The following MACROD2 variants were observed in gnomAD, a reference collection of about 807,000 sequenced individuals.
The protein encoded by MACROD2 is mono-ADP ribosylhydrolase 2.
Under a neutral mutation model 70.4 loss-of-function variants are expected in MACROD2, and 36 were observed. That is an observed-to-expected ratio of 0.51 (90% CI 0.39 to 0.68). The LOEUF is 0.68. Among genes scored for constraint, MACROD2 ranks in the 30% least tolerant of loss-of-function variants. The pLI, the probability that MACROD2 is intolerant of heterozygous loss-of-function variation, is 0.00. For missense variants in MACROD2, 496 were observed against 538.4 expected (o/e 0.92, Z 0.78); for synonymous variants, 172 against 178.8 (o/e 0.96, Z 0.30).
intron 9 of MACROD2, among the ~76,000 whole-genome samples, chr20:15,882,718 C>T (rs950864902): frequency 1.3e-5 from 2 of 152,000 alleles, no homozygotes; most frequent in African/African-American, 4.8e-5. Flanking sequence ...TAAACCGAAC[C>T]AGTCTGAGTC....
intron 8 of MACROD2, among the ~76,000 whole-genome samples, chr20:15,579,893 C>T (rs1294994852): frequency 1.3e-5 from 2 of 152,154 alleles, no homozygotes; most frequent in African/African-American, 2.4e-5. Flanking sequence ...TATTAGCTTG[C>T]AAATCCTACA....
intron 4 of MACROD2, among the ~76,000 whole-genome samples, chr20:14,497,000 G>A (rs1022759221): frequency 3.3e-5 from 5 of 151,706 alleles, no homozygotes; most frequent in African/African-American, 4.9e-5. Flanking sequence ...AGAAGACAGC[G>A]TTCTTGACTG....
In MACROD2 at chr20:14,771,512, T is replaced by C. The variant is rs977250582; in HGVS notation, c.418+86553T>C. ...GAGGTTTAAAATTTTAATTTGTATT[T>C]TTTTCTCTTTTTGTTAATATGTGTG... is the stretch of plus-strand genomic sequence containing the variant. On this transcript the variant is annotated intron_variant, in intron 5 of 17. Coordinates refer to ENST00000684519, the MANE Select transcript of MACROD2 (RefSeq NM_001351661.2). Among the ~76,000 whole-genome samples the C allele has an allele frequency of 3.3e-5, 5 of 152,050 alleles. No individual in the cohort carries two copies. In the South Asian group the frequency reaches 6.2e-4, roughly 19 times the overall value.
At chr20:14,040,818 C>T (rs2053380151) in intron 2 of MACROD2, among the ~76,000 whole-genome samples, 1 of 152,098 alleles carries the variant, frequency 6.6e-6, no homozygotes, top group Non-Finnish European at 1.5e-5. Context: ...GCATATATGG[C>T]CTGTTATTAA....
At chr20:15,246,871 A>T (rs2077110659) in intron 6 of MACROD2, among the ~76,000 whole-genome samples, 1 of 152,240 alleles carries the variant, frequency 6.6e-6, no homozygotes, top group Non-Finnish European at 1.5e-5. Context: ...ATCCATTTGC[A>T]ATAAAAAAGA....
chr20:16,004,222 T>C (rs1441821790), intron 15 of MACROD2, among the ~76,000 whole-genome samples: 2 of 152,146 alleles, frequency 1.3e-5, no homozygotes, highest in African/African-American at 4.8e-5. Flanking sequence ...CAGCCACTTA[T>C]AAGCCTCTCT....
chr20:15,645,049 T>C (rs889069233), intron 8 of MACROD2, among the ~76,000 whole-genome samples: 3 of 152,162 alleles, frequency 2.0e-5, no homozygotes, highest in Non-Finnish European at 4.4e-5. Context: ...ACAAGCCTTC[T>C]CCAATTCAAA....
chr20:15,673,651 T>C lies in MACROD2; in HGVS notation c.645+173804T>C, dbSNP rs551155599. 3.9e-5 allele frequency among the ~76,000 whole-genome samples: 6 copies of C among 152,340 alleles called. No individual in the cohort carries two copies. The South Asian group carries it at 1.2e-3, about 32-fold the overall frequency. On this transcript the variant is annotated intron_variant, in intron 8 of 17. Transcript: ENST00000684519. ...AAGGAAATAGGATATATTTTTCACT[T>C]TCTGTAGGCCAGATATTTTTTGAAG... is the stretch of plus-strand genomic sequence containing the variant.
intron 3 of MACROD2, among the ~76,000 whole-genome samples, chr20:14,436,284 C>T (rs1468875276): frequency 6.6e-6 from 1 of 152,106 alleles, no homozygotes; most frequent in Admixed American, 6.5e-5. Flanking sequence ...TGATTTCGCT[C>T]ATTAATGTTG....
At chr20:15,554,761 G>A (rs2048144224) in intron 8 of MACROD2, among the ~76,000 whole-genome samples, 1 of 152,152 alleles carries the variant, frequency 6.6e-6, no homozygotes, top group South Asian at 2.1e-4. Flanking sequence ...AGCAAGCTGG[G>A]CCATTTAAGG....
intron 2 of MACROD2, among the ~76,000 whole-genome samples, chr20:14,077,564 G>T (rs2053929970): frequency 6.6e-6 from 1 of 152,126 alleles, no homozygotes; most frequent in Admixed American, 6.5e-5. Flanking sequence ...AGTATGTGAG[G>T]AATGAAGGAC....
intron 5 of MACROD2, among the ~76,000 whole-genome samples, chr20:14,771,009 T>G (rs1447077872): frequency 6.6e-6 from 1 of 152,158 alleles, no homozygotes; most frequent in Non-Finnish European, 1.5e-5. Context: ...TGATGGTGTT[T>G]CTGGATGAGA....
intron 5 of MACROD2, among the ~76,000 whole-genome samples, chr20:14,789,460 ATTTTTTTTTTTTTTT>A (rs3045609): frequency 2.9e-4 from 14 of 48,362 alleles, no homozygotes; most frequent in Admixed American, 1.6e-3. Context: ...GGTAGTGCAA[ATTTTTTTTTTTTTTT>A]TTTTTTTTTT....
intron 5 of MACROD2, among the ~76,000 whole-genome samples, chr20:15,137,252 A>G (rs1453324505): frequency 6.6e-6 from 1 of 151,812 alleles, no homozygotes; most frequent in Non-Finnish European, 1.5e-5. Context: ...ATAAAGACAC[A>G]TGCACACGTA....
intron 3 of MACROD2, among the ~76,000 whole-genome samples, chr20:14,428,423 G>A (rs1219567478): frequency 6.6e-6 from 1 of 152,106 alleles, no homozygotes; most frequent in East Asian, 1.9e-4. Flanking sequence ...TCGAATAGAA[G>A]TAGGAGATTA....
intron 5 of MACROD2, among the ~76,000 whole-genome samples, chr20:14,828,077 C>CTTTCAG (rs2072922834): frequency 2.0e-5 from 3 of 151,782 alleles, no homozygotes; most frequent in Non-Finnish European, 4.4e-5. Context: ...TGATATATAC[C>CTTTCAG]AATTAAAGGT....
intron 6 of MACROD2, among the ~76,000 whole-genome samples, chr20:15,232,993 AAG>A (rs1447969633): frequency 6.6e-6 from 1 of 152,066 alleles, no homozygotes; most frequent in Non-Finnish European, 1.5e-5. Flanking sequence ...TTCCGTGACA[AAG>A]AGAGGATCTA....
intron 3 of MACROD2, among the ~76,000 whole-genome samples, chr20:14,430,856 G>A (rs2083987413): frequency 6.6e-6 from 1 of 152,116 alleles, no homozygotes; most frequent in Non-Finnish European, 1.5e-5. Context: ...CCTTCACCTT[G>A]CCCTCATTCT....
chr20:15,701,196 G>A (rs1272574261), intron 8 of MACROD2, among the ~76,000 whole-genome samples: 2 of 152,156 alleles, frequency 1.3e-5, no homozygotes, highest in Non-Finnish European at 2.9e-5. Context: ...GTGCCACAAT[G>A]GCAGAGTTTA....
Sources: gnomAD v4.1 joint callset for allele counts (sites outside exome capture counted in the v4.1 genomes callset) on GRCh38, gnomAD v4.1.1 for gene constraint, MANE v1.5 for transcripts, NCBI Gene and HGNC (gene_info 2026-07-23, HGNC 2026-07-21) for gene names.